The following SLC38A11 variants were observed in gnomAD, a reference collection of about 807,000 sequenced individuals.
The protein encoded by SLC38A11 is putative sodium-coupled neutral amino acid transporter 11.
In SLC38A11, 51 loss-of-function variants were observed where a neutral mutation model predicts 49.4. The ratio of observed to expected loss-of-function variants is 1.03; its 90% CI spans 0.83 to 1.30. SLC38A11 has a LOEUF of 1.30. Ranked by LOEUF, SLC38A11 falls within the 50% of genes most tolerant of loss-of-function variation. SLC38A11 has a pLI of 0.00. For synonymous variants in SLC38A11, 203 were observed against 192.9 expected (o/e 1.05, Z -0.43); for missense variants, 574 against 556.2 (o/e 1.03, Z -0.32).
chr2:164,905,736 C>T (rs150303551), intron 11 of SLC38A11, among the ~76,000 whole-genome samples: 123 of 152,096 alleles, frequency 8.1e-4, no homozygotes, highest in African/African-American at 2.9e-3. Context: ...TCATAACAGA[C>T]AATTTAGCAC....
At chr2:164,914,522 C>A (rs1275285054) in intron 9 of SLC38A11, among the ~76,000 whole-genome samples, 2 of 151,560 alleles carry the variant, frequency 1.3e-5, no homozygotes, top group South Asian at 4.2e-4. Context: ...AAAGAAAGGT[C>A]TGGGTTAGAA....
At chr2:164,930,680 A>T (rs1233465113) in intron 7 of SLC38A11, among the ~76,000 whole-genome samples, 1 of 152,302 alleles carries the variant, frequency 6.6e-6, no homozygotes, top group East Asian at 1.9e-4. Flanking sequence ...ATAAATGCCA[A>T]AAAGGCTTTT....
chr2:164,935,098 G>T (rs552817899), intron 7 of SLC38A11, among the ~76,000 whole-genome samples: 2 of 151,622 alleles, frequency 1.3e-5, no homozygotes, highest in South Asian at 2.1e-4. Flanking sequence ...TTAAGCACCC[G>T]TTACTTTGGC....
chr2:164,951,882 CCAG>C (rs1167623965), intron 3 of SLC38A11, among the ~76,000 whole-genome samples: 1 of 152,104 alleles, frequency 6.6e-6, no homozygotes, highest in Non-Finnish European at 1.5e-5. Flanking sequence ...GGGCAACACT[CCAG>C]AGCAAAGGGC....
chr2:164,914,607 G>T (rs918517904), intron 9 of SLC38A11, among the ~76,000 whole-genome samples: 2 of 151,814 alleles, frequency 1.3e-5, no homozygotes, highest in Non-Finnish European at 2.9e-5. Flanking sequence ...TATCTGGGTG[G>T]TGTGGGATGG....
chr2:164,933,898 A>G (rs1573967846), intron 7 of SLC38A11, among the ~76,000 whole-genome samples: 1 of 152,290 alleles, frequency 6.6e-6, no homozygotes, highest in Non-Finnish European at 1.5e-5. Flanking sequence ...GCACAGTATT[A>G]AAAAACATAC....
At position 164,897,235 on chromosome 2, in the gene SLC38A11, C is replaced by T. The variant is rs1320568409; in HGVS notation, c.*1202G>A. The T allele has an allele frequency of 6.6e-6, 1 of 152,122 alleles. No individual in the cohort carries two copies. Among genetic ancestry groups the T allele is most frequent in the Non-Finnish European group, 1.5e-5 (1 of 68,028 alleles). 9.4% of individuals were successfully genotyped at this position (152,122 alleles called of 1,614,324 possible). ...TGTAAGGAAGCATGTGGTGACAAAGCTATCAGTAGACCACCTCGAGCTCTC... is the reference window on the plus strand; with the variant it reads ...TGTAAGGAAGCATGTGGTGACAAAGTTATCAGTAGACCACCTCGAGCTCTC... On this transcript the variant is annotated 3_prime_UTR_variant, in exon 12 of 12. Coordinates refer to ENST00000685975, the MANE Select transcript of SLC38A11 (RefSeq NM_001351537.2).
intron 3 of SLC38A11, among the ~76,000 whole-genome samples, chr2:164,947,648 T>C (rs1688230705): frequency 6.6e-6 from 1 of 152,264 alleles, no homozygotes; most frequent in African/African-American, 2.4e-5. Context: ...GGTTATTGGT[T>C]CTGGAATTTG....
At chr2:164,910,406 C>T (rs1183566115) in intron 10 of SLC38A11, among the ~76,000 whole-genome samples, 1 of 152,002 alleles carries the variant, frequency 6.6e-6, no homozygotes, top group Non-Finnish European at 1.5e-5. Flanking sequence ...AAAATAATAC[C>T]ATGTCCTGCA....
chr2:164,913,135 C>G (rs769521068), intron 9 of SLC38A11, among the ~76,000 whole-genome samples: 30 of 151,990 alleles, frequency 2.0e-4, no homozygotes, highest in Non-Finnish European at 3.8e-4. Context: ...TAATTTGCCT[C>G]TTCCCAAGAT....
At position 164,894,490 on chromosome 2, in the gene SLC38A11, T is replaced by C. The variant is rs1400750620; in HGVS notation, c.*3947A>G. Among the ~76,000 whole-genome samples the C allele has an allele frequency of 4.6e-5, 7 of 152,220 alleles. No homozygotes were observed. Among genetic ancestry groups the C allele is most frequent in the South Asian group, 4.1e-4 (2 of 4,836 alleles). ...AACCCAGTTTTACTCATGTTCCCTA[T>C]GTAATTTTCCAAGTAAGCCATTCTG... On this transcript the variant is annotated 3_prime_UTR_variant, in exon 12 of 12. Transcript: ENST00000685975.
At chr2:164,949,458 C>T (rs1688373273) in intron 3 of SLC38A11, among the ~76,000 whole-genome samples, 1 of 152,008 alleles carries the variant, frequency 6.6e-6, no homozygotes, top group African/African-American at 2.4e-5. Context: ...GGGTTTCACC[C>T]TATTGGCCAG....
rs575690758 is a variant in SLC38A11, at chr2:164,935,180, T to C, written c.617+2170A>G. Among the ~76,000 whole-genome samples, 3 of 151,698 alleles carry C rather than the reference T, an allele frequency of 2.0e-5. No homozygotes were observed. In the South Asian group the frequency reaches 6.2e-4, roughly 32 times the overall value. ...TGTACTGTCATTGATTTTTCTTCTT[T>C]TTTTTTTTTGGTTTTAAAGTAAGCC... On this transcript the variant is annotated intron_variant, in intron 7 of 11. Coordinates refer to ENST00000685975, the MANE Select transcript of SLC38A11 (RefSeq NM_001351537.2).
intron 7 of SLC38A11, among the ~76,000 whole-genome samples, chr2:164,935,839 C>T (rs558198223): frequency 2.7e-4 from 41 of 152,100 alleles, no homozygotes; most frequent in Admixed American, 2.2e-3. Flanking sequence ...GTTAGATAAA[C>T]GCATGAGGGA....
chr2:164,931,648 A>G (rs1309911678), intron 7 of SLC38A11, among the ~76,000 whole-genome samples: 1 of 152,190 alleles, frequency 6.6e-6, no homozygotes, highest in Non-Finnish European at 1.5e-5. Context: ...TCTTTGACAA[A>G]TCTGACAAAA....
intron 3 of SLC38A11, among the ~76,000 whole-genome samples, chr2:164,949,323 A>C (rs573166242): frequency 1.3e-5 from 2 of 152,182 alleles, no homozygotes; most frequent in East Asian, 3.9e-4. Context: ...ATCTCAGCTC[A>C]CTGCAACCTC....
At chr2:164,933,456 C>T (rs1454413) in intron 7 of SLC38A11, among the ~76,000 whole-genome samples, 10,484 of 151,862 alleles carry the variant, frequency 0.069, 396 homozygotes, top group Admixed American at 0.1. Context: ...TATCTGAAAT[C>T]GTATCAAAAA....
Position 164,955,064 on chromosome 2 carries a change from A to G in SLC38A11, c.39+145T>C, listed in dbSNP as rs930641559. 7.2e-6 allele frequency: 5 copies of G among 697,038 alleles called. No individual in the cohort carries two copies. The African/African-American group carries it at 9.2e-5, about 13-fold the overall frequency. 43.2% of individuals were successfully genotyped at this position (697,038 alleles called of 1,614,324 possible). Reference sequence around the variant, plus strand: ...GCTAAGAAAAAAAAAAAAAAAAGTCAGATTAAGGCAAAACTTTTTGTCCCA... The same window carrying G: ...GCTAAGAAAAAAAAAAAAAAAAGTCGGATTAAGGCAAAACTTTTTGTCCCA... On this transcript the variant is annotated intron_variant, in intron 1 of 11. Transcript: ENST00000685975.
chr2:164,919,699 C>A (rs1450288418), intron 7 of SLC38A11, among the ~76,000 whole-genome samples: 1 of 152,116 alleles, frequency 6.6e-6, no homozygotes, highest in Non-Finnish European at 1.5e-5. Context: ...AGATTGCTTA[C>A]AATATCTAAT....
Sources: allele counts gnomAD v4.1 joint callset (sites outside exome capture counted in the v4.1 genomes callset), GRCh38; gene constraint gnomAD v4.1.1; transcripts MANE v1.5; gene names NCBI Gene and HGNC (gene_info 2026-07-23, HGNC 2026-07-21).